The following PCDH11X variants were observed in gnomAD, a reference collection of about 807,000 sequenced individuals.
PCDH11X encodes protocadherin-11 X-linked.
Under a neutral mutation model 53.3 loss-of-function variants are expected in PCDH11X, and 18 were observed. That is an observed-to-expected ratio of 0.34 (90% CI 0.23 to 0.50). The LOEUF is 0.50. Among genes scored for constraint, PCDH11X ranks in the 20% least tolerant of loss-of-function variants. PCDH11X has a pLI of 0.98. For missense variants in PCDH11X, 570 were observed against 1,032.4 expected, an observed-to-expected ratio of 0.55 and a Z score of 6.14; for synonymous variants, 279 against 393.3, an observed-to-expected ratio of 0.71 and a Z score of 3.44.
At chrX:92,376,582 T>C (rs2070759164) in intron 8 of PCDH11X, among the ~76,000 whole-genome samples, 1 of 111,598 alleles carries the variant, frequency 9.0e-6, no homozygotes, top group African/African-American at 3.3e-5. Context: ...AGCTGCTTGG[T>C]TGTCTGTGAT....
At chrX:92,282,766 T>C (rs1306714915) in intron 8 of PCDH11X, among the ~76,000 whole-genome samples, 2 of 110,924 alleles carry the variant, frequency 1.8e-5, no homozygotes, top group Non-Finnish European at 3.8e-5. Context: ...TTCCCTAGAG[T>C]ATATTAGTTC....
At chrX:92,457,274 A>G (rs2072926259) in intron 9 of PCDH11X, among the ~76,000 whole-genome samples, 1 of 110,173 alleles carries the variant, frequency 9.1e-6, no homozygotes, top group Admixed American at 9.7e-5. Flanking sequence ...CATGTGTTAC[A>G]ATACAACATA....
intron 10 of PCDH11X, among the ~76,000 whole-genome samples, chrX:92,586,672 A>C (rs1462450946): frequency 1.9e-5 from 2 of 107,868 alleles, no homozygotes; most frequent in Non-Finnish European, 3.8e-5. Context: ...ATATTGTAGA[A>C]ATATTAGGTG....
At chrX:92,196,214 A>C (rs1056279360) in intron 6 of PCDH11X, among the ~76,000 whole-genome samples, 4 of 111,972 alleles carry the variant, frequency 3.6e-5, no homozygotes, top group Non-Finnish European at 7.5e-5. Context: ...CCACCTAAAA[A>C]AATTTCATTG....
chrX:92,330,814 C>G (rs1434397276), intron 8 of PCDH11X, among the ~76,000 whole-genome samples: 1 of 105,256 alleles, frequency 9.5e-6, no homozygotes, highest in Non-Finnish European at 2.0e-5. Flanking sequence ...AGATACCAAA[C>G]AAGCATGCAT....
chrX:92,596,946 A>C (rs1925680052), intron 10 of PCDH11X, among the ~76,000 whole-genome samples: 1 of 111,534 alleles, frequency 9.0e-6, no homozygotes, highest in Non-Finnish European at 1.9e-5. Flanking sequence ...AAGAAAAAAA[A>C]CTATGATTAT....
intron 6 of PCDH11X, among the ~76,000 whole-genome samples, chrX:92,118,731 C>CTTTTTTTT (rs199880924): frequency 8.8e-5 from 4 of 45,635 alleles, no homozygotes; most frequent in African/African-American, 1.9e-4. Flanking sequence ...ATAATGCAGT[C>CTTTTTTTT]TTTTTTTTTT....
chrX:92,577,220 G>C (rs1039743779), intron 10 of PCDH11X, among the ~76,000 whole-genome samples: 16 of 110,753 alleles, frequency 1.4e-4, no homozygotes, highest in Non-Finnish European at 2.6e-4. Flanking sequence ...CTCAATTGTA[G>C]AACTCATTAT....
intron 10 of PCDH11X, among the ~76,000 whole-genome samples, chrX:92,566,755 C>A (rs2750543): frequency 6.2e-4 from 69 of 111,973 alleles, no homozygotes; most frequent in African/African-American, 2.2e-3. Flanking sequence ...TAACTTTAAC[C>A]TTAACATCTC....
intron 5 of PCDH11X, among the ~76,000 whole-genome samples, chrX:91,875,393 C>T (rs1184216867): frequency 9.4e-6 from 1 of 106,424 alleles, no homozygotes; most frequent in Non-Finnish European, 1.9e-5. Flanking sequence ...TGCCATTCTC[C>T]TGCCTCAGCC....
intron 6 of PCDH11X, among the ~76,000 whole-genome samples, chrX:92,005,416 C>T (rs35500855): frequency 9.0e-6 from 1 of 110,959 alleles, no homozygotes; most frequent in Admixed American, 9.6e-5. Flanking sequence ...ACTTATATCC[C>T]CTTATTTTAA....
chrX:92,551,548 G>GA (rs1276608472), intron 10 of PCDH11X, among the ~76,000 whole-genome samples: 3 of 106,437 alleles, frequency 2.8e-5, no homozygotes, highest in Non-Finnish European at 2.0e-5. Context: ...CTGCTGTGCA[G>GA]AAGCTTTTTA....
intron 8 of PCDH11X, among the ~76,000 whole-genome samples, chrX:92,313,566 T>G (rs2069002754): frequency 9.1e-6 from 1 of 109,786 alleles, no homozygotes; most frequent in Non-Finnish European, 1.9e-5. Flanking sequence ...GTGTTTGTTG[T>G]GCAGGTTTAT....
At chrX:92,545,447 G>C (rs1223207706) in intron 10 of PCDH11X, among the ~76,000 whole-genome samples, 2 of 94,717 alleles carry the variant, frequency 2.1e-5, no homozygotes, top group Non-Finnish European at 4.1e-5. Context: ...TGTCACCCAG[G>C]CTGGAATGCA....
chrX:91,784,427 ATC>A (rs1935262835), intron 1 of PCDH11X, among the ~76,000 whole-genome samples: 1 of 112,297 alleles, frequency 8.9e-6, no homozygotes, highest in African/African-American at 3.2e-5. Flanking sequence ...ATCCACTCAG[ATC>A]TTTTTACTCA....
At chrX:92,507,584 G>T (rs1006632554) in intron 10 of PCDH11X, among the ~76,000 whole-genome samples, 1 of 110,853 alleles carries the variant, frequency 9.0e-6, no homozygotes, top group Non-Finnish European at 1.9e-5. Flanking sequence ...ATCAAAATAT[G>T]CAGGACAAAG....
At chrX:91,837,385 CA>C (rs1018842048) in intron 5 of PCDH11X, among the ~76,000 whole-genome samples, 7 of 111,193 alleles carry the variant, frequency 6.3e-5, no homozygotes, top group Non-Finnish European at 1.3e-4. Flanking sequence ...CGAGGTTCCT[CA>C]AAAAAACTAA....
chrX:92,063,529 C>T (rs2063557476), intron 6 of PCDH11X, among the ~76,000 whole-genome samples: 1 of 110,856 alleles, frequency 9.0e-6, no homozygotes, highest in African/African-American at 3.3e-5. Flanking sequence ...TCATTTATAT[C>T]CACACTCTGA....
chrX:92,494,185 A>T (rs935425971), intron 10 of PCDH11X, among the ~76,000 whole-genome samples: 11 of 110,378 alleles, frequency 1.0e-4, no homozygotes, highest in Admixed American at 6.8e-4. Flanking sequence ...CTTAAACAAA[A>T]TCAGAGTGCA....
Sources: allele counts gnomAD v4.1 joint callset (sites outside exome capture counted in the v4.1 genomes callset), GRCh38; gene constraint gnomAD v4.1.1; transcripts MANE v1.5; gene names NCBI Gene and HGNC (gene_info 2026-07-23, HGNC 2026-07-21).